The following PRSS55 variants were observed in gnomAD, a reference collection of about 807,000 sequenced individuals.
The protein encoded by PRSS55 is serine protease 55, also known as probable serine protease UNQ9391/PRO34284.
Under a neutral mutation model 23.6 loss-of-function variants are expected in PRSS55, and 41 were observed. That is an observed-to-expected ratio of 1.74 (90% CI 1.35 to 2.26). PRSS55 has a LOEUF of 2.26. Among genes scored for constraint, PRSS55 ranks in the 30% most tolerant of loss-of-function variants. The pLI is 0.00. For synonymous variants in PRSS55, 262 were observed against 175.5 expected (o/e 1.49, Z -3.90); for missense variants, 669 against 439.1 (o/e 1.52, Z -4.68).
intron 4 of PRSS55, 78 bp downstream of exon 4, chr8:10,533,126 G>A: frequency 1.6e-5 from 23 of 1,452,264 alleles, no homozygotes; most frequent in Non-Finnish European, 2.1e-5. Flanking sequence ...TTCTCTCTCT[G>A]CTGCAAATAG....
chr8:10,544,812 T>C (rs1426582035), intron 4 of PRSS55, among the ~76,000 whole-genome samples: 2 of 152,226 alleles, frequency 1.3e-5, no homozygotes, highest in Non-Finnish European at 2.9e-5. Flanking sequence ...TCCTCCTCTT[T>C]TTTTTGCTAT....
intron 4 of PRSS55, among the ~76,000 whole-genome samples, chr8:10,534,195 T>C (rs1373295749): frequency 6.6e-6 from 1 of 152,052 alleles, no homozygotes; most frequent in Non-Finnish European, 1.5e-5. Context: ...GTAAACACAA[T>C]TCTCCCAGCC....
chr8:10,532,835 A>G (rs998343558), intron 3 of PRSS55, 71 bp from the exon 4 acceptor site: 16 of 1,593,358 alleles, frequency 1.0e-5, no homozygotes, highest in Non-Finnish European at 1.4e-5. Context: ...CCGAGGGCAC[A>G]GTCAGCTGCA....
chr8:10,529,517 CAG>C lies in PRSS55; in HGVS notation c.167_168del (p.Arg56IlefsTer22). 2 of 1,614,108 alleles carry C rather than the reference CAG, an allele frequency of 1.2e-6. No homozygotes were observed. Among genetic ancestry groups the C allele is most frequent in the Non-Finnish European group, 8.5e-7 (1 of 1,179,954 alleles). On this transcript the variant is annotated frameshift_variant, in exon 2 of 5. Coordinates refer to ENST00000328655, the MANE Select transcript of PRSS55 (RefSeq NM_198464.4). LOFTEE classifies it high-confidence loss of function. ...PPSPVSECGD[R>X]SIFEGRTRYS... ...CTTTCTTTCCACCAGAATGTGGTGA[CAG>C]ATCTATTTTCGAGGGAAGAACTCGG...
At chr8:10,525,836 G>C in intron 1 of PRSS55, 97 bp downstream of exon 1, 2 of 1,330,026 alleles carry the variant, frequency 1.5e-6, no homozygotes, top group Non-Finnish European at 2.0e-6. Context: ...CAGAGCTCCA[G>C]GGCTCCCCAC....
chr8:10,550,070 C>T (rs914070880), intron 4 of PRSS55, among the ~76,000 whole-genome samples: 1 of 152,146 alleles, frequency 6.6e-6, no homozygotes, highest in Non-Finnish European at 1.5e-5. Context: ...AGGTGCGCGC[C>T]ACCATGCCCT....
intron 4 of PRSS55, 114 bp from the exon 5 acceptor site, chr8:10,538,362 G>C (rs991412661): frequency 6.0e-5 from 48 of 793,420 alleles, no homozygotes; most frequent in Non-Finnish European, 8.7e-5. Context: ...GGATGGGGTG[G>C]GTTGGCAGCC....
chr8:10,544,850 G>A (rs1264108592), intron 4 of PRSS55: 1 of 244,254 alleles, frequency 4.1e-6, no homozygotes, highest in Non-Finnish European at 6.6e-6. Flanking sequence ...ATCTACATAT[G>A]TTATAAATCC....
At chr8:10,528,925 C>G (rs1307820206) in intron 1 of PRSS55, among the ~76,000 whole-genome samples, 1 of 152,154 alleles carries the variant, frequency 6.6e-6, no homozygotes, top group Non-Finnish European at 1.5e-5. Flanking sequence ...CTTTGCCTTT[C>G]CTCTGCAGTC....
At position 10,553,462 on chromosome 8, in the gene PRSS55, A is replaced by C. The variant is rs1033986223; in HGVS notation, c.742-481A>C. On this transcript the variant is annotated intron_variant, in intron 4 of 4. Transcript: ENST00000522210. ...ATATGTACACAATAAAATACTACTC[A>C]GCCTTAAACAAGAAGGAAATTCTGT... 7.2e-4 allele frequency among the ~76,000 whole-genome samples: 109 copies of C among 152,352 alleles called. 1 individual carries two copies. The highest frequency in any genetic ancestry group is 2.3e-3 in the African/African-American group (95 of 41,580).
At chr8:10,552,306 G>A (rs1812969196) in intron 4 of PRSS55, among the ~76,000 whole-genome samples, 1 of 152,174 alleles carries the variant, frequency 6.6e-6, no homozygotes, top group Admixed American at 6.5e-5. Flanking sequence ...AGCTACGGAT[G>A]GCTGGAGGCC....
chr8:10,542,186 A>C (rs111260075), downstream of PRSS55, among the ~76,000 whole-genome samples: 20 of 152,266 alleles, frequency 1.3e-4, no homozygotes, highest in African/African-American at 4.3e-4. Flanking sequence ...TGTGTGTCCC[A>C]AGAGAGTTTT....
chr8:10,542,358 T>C (rs186177495), downstream of PRSS55, among the ~76,000 whole-genome samples: 5 of 149,216 alleles, frequency 3.4e-5, no homozygotes, highest in East Asian at 9.9e-4. Context: ...GTGTTTAAAC[T>C]TAACAACGTA....
At chr8:10,534,172 C>T (rs1017696773) in intron 4 of PRSS55, among the ~76,000 whole-genome samples, 2 of 152,146 alleles carry the variant, frequency 1.3e-5, no homozygotes, top group African/African-American at 4.8e-5. Flanking sequence ...CTTCTGGTTC[C>T]AGACAAGACG....
Position 10,544,919 on chromosome 8 carries a change from G to A in PRSS55, c.742-9024G>A. On this transcript the variant is annotated intron_variant, in intron 4 of 4. Coordinates refer to the PRSS55 transcript ENST00000522210. ...ACTTTATGTCTCATAGATTTTAAGA[G>A]AAGAAAGGAGATAAAGTATGTATTT... is the stretch of plus-strand genomic sequence containing the variant. 4.4e-6 allele frequency: 3 copies of A among 675,348 alleles called. No individual in the cohort carries two copies. The South Asian group carries it at 2.0e-4, about 45-fold the overall frequency. 41.8% of individuals were successfully genotyped at this position (675,348 alleles called of 1,614,324 possible). A position where few individuals can be genotyped will look rare whatever the true frequency, so the allele number is the denominator to read the frequency against.
intron 4 of PRSS55, among the ~76,000 whole-genome samples, chr8:10,552,653 G>A (rs1433369230): frequency 2.6e-5 from 4 of 152,146 alleles, no homozygotes; most frequent in African/African-American, 9.7e-5. Flanking sequence ...ACACATAAGT[G>A]GCTAAATGAA....
chr8:10,531,249 C>T, intron 2 of PRSS55, 46 bp from the exon 3 acceptor site: 1 of 1,604,806 alleles, frequency 6.2e-7, no homozygotes, highest in Non-Finnish European at 8.5e-7. Context: ...GCTTTTGAGA[C>T]TTCCCTTCCC....
chr8:10,544,446 T>A (rs1812761940), intron 4 of PRSS55, among the ~76,000 whole-genome samples: 1 of 151,138 alleles, frequency 6.6e-6, no homozygotes, highest in African/African-American at 2.5e-5. Flanking sequence ...ACATAGAACT[T>A]GTTTGTTTAT....
chr8:10,532,602 A>C (rs1431765377), intron 3 of PRSS55, among the ~76,000 whole-genome samples: 1 of 152,240 alleles, frequency 6.6e-6, no homozygotes, highest in Non-Finnish European at 1.5e-5. Flanking sequence ...TATGCTGAGA[A>C]ACAGTCAGTA....
Sources: allele counts gnomAD v4.1 joint callset (sites outside exome capture counted in the v4.1 genomes callset), GRCh38; gene constraint gnomAD v4.1.1; transcripts MANE v1.5; gene names NCBI Gene and HGNC (gene_info 2026-07-23, HGNC 2026-07-21).